PHF21B: variants seen among roughly 807,000 people sequenced by gnomAD.
PHF21B encodes PHD finger protein 4.
Under a neutral mutation model 62.2 loss-of-function variants are expected in PHF21B, and 22 were observed. That is an observed-to-expected ratio of 0.35 (90% CI 0.25 to 0.51). The LOEUF is 0.51. PHF21B is among the 20% of genes least tolerant of loss of function. The pLI is 0.97. For synonymous variants in PHF21B, 341 were observed against 314.7 expected (o/e 1.08, Z -0.88); for missense variants, 701 against 707.9 (o/e 0.99, Z 0.11).
chr22:44,909,184 A>T (rs909054518), intron 5 of PHF21B, among the ~76,000 whole-genome samples: 1 of 152,262 alleles, frequency 6.6e-6, no homozygotes, highest in Non-Finnish European at 1.5e-5. Flanking sequence ...AAGTCATCGC[A>T]TATGTTTACA....
At chr22:44,965,069 C>T (rs2072497921) in intron 2 of PHF21B, among the ~76,000 whole-genome samples, 1 of 152,186 alleles carries the variant, frequency 6.6e-6, no homozygotes. Flanking sequence ...CAACAGGGTG[C>T]CTGCAATGTG....
intron 3 of PHF21B, among the ~76,000 whole-genome samples, chr22:44,919,561 G>A (rs4823419): frequency 0.53 from 81,288 of 151,948 alleles, 22,833 homozygotes; most frequent in African/African-American, 0.72. Flanking sequence ...AGCTCAGGGC[G>A]GCCACCTCTC....
intron 2 of PHF21B, among the ~76,000 whole-genome samples, chr22:44,947,971 G>GCCTCCTCCCCACTGTTGTC (rs1569247049): frequency 7.3e-6 from 1 of 136,552 alleles, no homozygotes; most frequent in Non-Finnish European, 1.6e-5. Flanking sequence ...GGGCGCCAGA[G>GCCTCCTCCCCACTGTTGTC]CCTCCTCCCC....
rs775065646 is a variant in PHF21B at position 44,882,166 on chromosome 22, A to T, written c.*920T>A. 1 of 152,668 alleles carries T rather than the reference A, an allele frequency of 6.6e-6. No homozygotes were observed. Among genetic ancestry groups the T allele is most frequent in the Admixed American group, 6.5e-5 (1 of 15,282 alleles). The allele number at this position is 152,668 out of a possible 1,614,324, so 9.5% of individuals were successfully genotyped here. A position where few individuals can be genotyped will look rare whatever the true frequency, so the allele number is the denominator to read the frequency against. On this transcript the variant is annotated 3_prime_UTR_variant, in exon 13 of 13. Transcript: ENST00000313237. ...GCAAGAAGGGAGGAGTGGAATACTT[A>T]TCGGCTCTTCCAAAGGAGACAAGAA...
At chr22:45,008,903 TGA>T in intron 1 of PHF21B, 2 of 1,121,688 alleles carry the variant, frequency 1.8e-6, no homozygotes, top group Non-Finnish European at 2.2e-6. Flanking sequence ...CGTGTGCGAG[TGA>T]GTGTGAGTGT....
At chr22:44,943,656 G>A (rs760758746) in intron 2 of PHF21B, among the ~76,000 whole-genome samples, 1 of 152,154 alleles carries the variant, frequency 6.6e-6, no homozygotes, top group East Asian at 1.9e-4. Context: ...AAAGCAAACA[G>A]GTTTAGATTT....
At chr22:44,991,031 C>G (rs1011413539) in intron 2 of PHF21B, among the ~76,000 whole-genome samples, 1 of 152,230 alleles carries the variant, frequency 6.6e-6, no homozygotes, top group Non-Finnish European at 1.5e-5. Context: ...ATCAAAGCCC[C>G]GCCCTGCCCA....
rs529829814 is a variant in PHF21B at position 44,884,893 on chromosome 22, A to G, written c.1377+533T>C. ...CACCATCACCATTACTACCATCACC[A>G]TCATCACCACCACCACAACCATCAT... On this transcript the variant is annotated intron_variant, in intron 12 of 12. Coordinates refer to ENST00000313237, the MANE Select transcript of PHF21B (RefSeq NM_138415.5). Among the ~76,000 whole-genome samples, 5 of 152,108 alleles carry G rather than the reference A, an allele frequency of 3.3e-5. No individual in the cohort carries two copies. The South Asian group carries it at 1.0e-3, about 32-fold the overall frequency.
chr22:44,971,438 CCG>C (rs2072636520), intron 2 of PHF21B: 1 of 152,250 alleles, frequency 6.6e-6, no homozygotes. Context: ...ACCACCTGTA[CCG>C]CACACAGAGT....
chr22:44,990,929 CA>C (rs145556654), intron 2 of PHF21B, among the ~76,000 whole-genome samples: 1,804 of 152,316 alleles, frequency 0.012, 33 homozygotes, highest in African/African-American at 0.041. Flanking sequence ...ACTGCGTGGC[CA>C]GGGGGAGCCC....
At chr22:45,005,209 G>A (rs2073293410) in intron 2 of PHF21B, among the ~76,000 whole-genome samples, 1 of 152,222 alleles carries the variant, frequency 6.6e-6, no homozygotes, top group Non-Finnish European at 1.5e-5. Context: ...AGCAGCTAAT[G>A]GAGTCTTCAC....
intron 2 of PHF21B, among the ~76,000 whole-genome samples, chr22:44,959,760 C>A (rs73422562): frequency 0.06 from 9,073 of 152,198 alleles, 870 homozygotes; most frequent in African/African-American, 0.2. Flanking sequence ...GAGATGACCA[C>A]CAGGGGAACA....
intron 2 of PHF21B, among the ~76,000 whole-genome samples, chr22:44,959,984 C>A (rs998560286): frequency 2.6e-5 from 4 of 152,224 alleles, no homozygotes; most frequent in African/African-American, 9.6e-5. Flanking sequence ...GGCCAGTCTC[C>A]ACCCCAGAGA....
chr22:44,954,312 C>A (rs996198826), intron 2 of PHF21B, among the ~76,000 whole-genome samples: 1 of 152,254 alleles, frequency 6.6e-6, no homozygotes, highest in Non-Finnish European at 1.5e-5. Context: ...TCTTTGGGGA[C>A]CCAGCGCAGG....
chr22:44,969,221 T>C (rs1000745360), intron 2 of PHF21B: 4 of 152,082 alleles, frequency 2.6e-5, no homozygotes, highest in African/African-American at 4.8e-5. Context: ...AGGAGGGGTG[T>C]TTTCATCACA....
At chr22:44,950,587 C>G (rs983818720) in intron 2 of PHF21B, among the ~76,000 whole-genome samples, 1 of 149,376 alleles carries the variant, frequency 6.7e-6, no homozygotes, top group Non-Finnish European at 1.5e-5. Flanking sequence ...TTTTTTTTTT[C>G]TTTTGAAAAA....
chr22:44,987,049 T>G (rs746619872), intron 2 of PHF21B, among the ~76,000 whole-genome samples: 1 of 152,182 alleles, frequency 6.6e-6, no homozygotes, highest in Admixed American at 6.5e-5. Flanking sequence ...ACTTCTGCCA[T>G]TGGCCAAGGA....
At position 44,960,415 on chromosome 22, in the gene PHF21B, C is replaced by T. The variant is rs540967364; in HGVS notation, c.121-39925G>A. Among the ~76,000 whole-genome samples, 98 of 152,302 alleles carry T rather than the reference C, an allele frequency of 6.4e-4. 1 individual carries two copies. Among genetic ancestry groups the T allele is most frequent in the African/African-American group, 2.2e-3 (93 of 41,560 alleles). On this transcript the variant is annotated intron_variant, in intron 2 of 12. Transcript: ENST00000313237. Reference sequence around the variant, plus strand: ...AAAGCCCCCCACTCCTGTCCCTCAACGACTATGGTCACCTGCTCCCCAGGT... The same window carrying T: ...AAAGCCCCCCACTCCTGTCCCTCAATGACTATGGTCACCTGCTCCCCAGGT...
At position 44,889,876 on chromosome 22, in the gene PHF21B, T is replaced by A. The variant is rs536968949; in HGVS notation, c.1016-94A>T. ...CCATGAGGCCTCATGTGGCAAGGGC[T>A]CTTACCCCAGGGCATGATGGGAGCA... On this transcript the variant is annotated intron_variant, in intron 8 of 12. Coordinates refer to ENST00000313237, the MANE Select transcript of PHF21B (RefSeq NM_138415.5). 1.2e-5 allele frequency: 16 copies of A among 1,326,682 alleles called. No homozygotes were observed. In the South Asian group the frequency reaches 2.7e-4, roughly 22 times the overall value. 82.2% of individuals were successfully genotyped at this position (1,326,682 alleles called of 1,614,324 possible). A position where few individuals can be genotyped will look rare whatever the true frequency, so the allele number is the denominator to read the frequency against.
Sources: gnomAD v4.1 joint callset for allele counts (sites outside exome capture counted in the v4.1 genomes callset) on GRCh38, gnomAD v4.1.1 for gene constraint, MANE v1.5 for transcripts, NCBI Gene and HGNC (gene_info 2026-07-23, HGNC 2026-07-21) for gene names.